The following EHHADH variants were observed in gnomAD, a reference collection of about 807,000 sequenced individuals.
The protein encoded by EHHADH is enoyl-CoA hydratase and 3-hydroxyacyl CoA dehydrogenase, also known as peroxisomal bifunctional enzyme.
A neutral mutation model predicts 64.4 loss-of-function variants in EHHADH; 48 were observed. That is an observed-to-expected ratio of 0.75 (90% confidence interval 0.59 to 0.95). The LOEUF is 0.95. EHHADH is among the 40% of genes least tolerant of loss of function. EHHADH has a pLI of 0.00. For missense variants in EHHADH, 854 were observed against 876.6 expected, an observed-to-expected ratio of 0.97 and a Z score of 0.33; for synonymous variants, 308 against 326.7, an observed-to-expected ratio of 0.94 and a Z score of 0.62.
chr3:185,251,427 C>CT (rs1362581371), intron 1 of EHHADH, among the ~76,000 whole-genome samples: 6 of 152,254 alleles, frequency 3.9e-5, no homozygotes, highest in African/African-American at 1.4e-4. Flanking sequence ...CGTGAGCTTT[C>CT]TTACTCTGTG....
At position 185,192,459 on chromosome 3, in the gene EHHADH, CA is replaced by C. The variant is rs1197619018; in HGVS notation, c.1938del (p.Ile646MetfsTer31). 6.2e-7 allele frequency: 1 copy of C among 1,614,228 alleles called. No individual in the cohort carries two copies. Among genetic ancestry groups the C allele is most frequent in the South Asian group, 1.1e-5 (1 of 91,084 alleles). On this transcript the variant is annotated frameshift_variant, in exon 7 of 7. Transcript: ENST00000231887. LOFTEE classifies it high-confidence loss of function. ...CCATATCCATGTAAATAGACAACATCAATGTGCTCTGGGCTAGCAGCTATCC... is the reference window on the plus strand; with the variant it reads ...CCATATCCATGTAAATAGACAACATCATGTGCTCTGGGCTAGCAGCTATCC... ...GEGIAASPEH[I>X]DVVYLHGYGW...
chr3:185,235,513 T>C (rs752087448), intron 2 of EHHADH, 51 bp from the exon 3 acceptor site: 1 of 1,493,728 alleles, frequency 6.7e-7, no homozygotes, highest in East Asian at 2.3e-5. Flanking sequence ...ACATGGGCAT[T>C]GTTATATAAC....
chr3:185,233,662 T>G (rs897383753), intron 3 of EHHADH, among the ~76,000 whole-genome samples: 2 of 152,198 alleles, frequency 1.3e-5, no homozygotes, highest in Non-Finnish European at 2.9e-5. Flanking sequence ...TGTTGTTTGT[T>G]TTGAGATGGA....
In EHHADH at chr3:185,235,010, C is replaced by T. The variant is rs552048303; in HGVS notation, c.351+280G>A. Among the ~76,000 whole-genome samples, 63 of 152,038 alleles carry T rather than the reference C, an allele frequency of 4.1e-4. 1 individual carries two copies. Among genetic ancestry groups the T allele is most frequent in the Admixed American group, 2.6e-3 (40 of 15,270 alleles). On this transcript the variant is annotated intron_variant, in intron 3 of 6. Coordinates refer to ENST00000231887, the MANE Select transcript of EHHADH (RefSeq NM_001966.4). Reference sequence around the variant, plus strand: ...CAGCCTGGCCAACATGGTGAAACCCCGTCTCTACTAAAAATACAAAAATTT... The same window carrying T: ...CAGCCTGGCCAACATGGTGAAACCCTGTCTCTACTAAAAATACAAAAATTT...
intron 2 of EHHADH, chr3:185,245,945 G>T (rs759097227): frequency 1.4e-6 from 2 of 1,480,712 alleles, no homozygotes; most frequent in South Asian, 2.3e-5. Context: ...TTCTGAGCCT[G>T]CCCAAGCAGG....
chr3:185,211,642 A>T (rs1288999901), intron 5 of EHHADH, among the ~76,000 whole-genome samples: 1 of 152,232 alleles, frequency 6.6e-6, no homozygotes, highest in Non-Finnish European at 1.5e-5. Flanking sequence ...GAATAACTGC[A>T]CATTAACAGG....
chr3:185,228,257 A>AAAATATATAT (rs1367786172), intron 4 of EHHADH, among the ~76,000 whole-genome samples: 13 of 22,000 alleles, frequency 5.9e-4, no homozygotes, highest in East Asian at 1.6e-3. Flanking sequence ...AAAAAAAAAA[A>AAAATATATAT]ATATATATAT....
Position 185,254,019 on chromosome 3 carries a change from C to T in EHHADH, c.4G>A (p.Ala2Thr). Residue 2 changes from alanine (A) to threonine (T), a missense_variant, in exon 1 of 7, where the codon GCC becomes ACC. By Grantham distance (58) the Ala-to-Thr change is moderately conservative. Transcript: ENST00000231887. ...GCGTTGTGCAGCCGCGTATACTCGG[C>T]CATGTTTCCTCTATCACCGAGGGCA... MAEYTRLHNALA... is the reference protein window; with the variant it reads MTEYTRLHNALA... 1 of 1,613,780 alleles carries T rather than the reference C, an allele frequency of 6.2e-7. No homozygotes were observed. The highest frequency in any genetic ancestry group is 1.1e-5 in the South Asian group (1 of 91,066).
rs767151443 is a variant in EHHADH at position 185,248,443 on chromosome 3, A to G, written c.149T>C (p.Ile50Thr). The G allele has an allele frequency of 6.2e-7, 1 of 1,614,142 alleles. No individual in the cohort carries two copies. The highest frequency in any genetic ancestry group is 8.5e-7 in the Non-Finnish European group (1 of 1,179,980). Residue 50 changes from isoleucine to threonine, a missense_variant, in exon 2 of 7, where the codon ATT (isoleucine) becomes ACT (threonine). By Grantham distance (89) the Ile-to-Thr change is moderately conservative (BLOSUM62 -1). Coordinates refer to ENST00000231887, the MANE Select transcript of EHHADH (RefSeq NM_001966.4). ...AGAAAATTTGCCCTCTGCTCCACAA[A>G]TCACAATGGCTTTTATTGTATGGTC... ...VIDHTIKAIVICGAEGKFSAG... is the reference protein window; with the variant it reads ...VIDHTIKAIVTCGAEGKFSAG...
chr3:185,248,542 G>A (rs568187080), intron 1 of EHHADH, 25 bp from the exon 2 acceptor site: 1 of 1,519,608 alleles, frequency 6.6e-7, no homozygotes, highest in South Asian at 1.2e-5. Context: ...AATACATGAA[G>A]TAAATCAGTC....
intron 4 of EHHADH, among the ~76,000 whole-genome samples, chr3:185,228,257 A>AAAAAAT (rs1367786172): frequency 1.4e-4 from 3 of 21,984 alleles, no homozygotes; most frequent in Non-Finnish European, 2.1e-4. Flanking sequence ...AAAAAAAAAA[A>AAAAAAT]ATATATATAT....
intron 5 of EHHADH, among the ~76,000 whole-genome samples, chr3:185,212,736 C>G (rs545453267): frequency 6.6e-6 from 1 of 152,218 alleles, no homozygotes; most frequent in Admixed American, 6.5e-5. Context: ...GTGTATAGTT[C>G]AGTGTTTTTC....
In EHHADH at chr3:185,192,474, T is replaced by C; in HGVS notation, c.1924A>G (p.Ser642Gly). Reference sequence around the variant, plus strand: ...TAGACAACATCAATGTGCTCTGGGCTAGCAGCTATCCCTTCTCCCAAGATA... The same window carrying C: ...TAGACAACATCAATGTGCTCTGGGCCAGCAGCTATCCCTTCTCCCAAGATA... ...FRILGEGIAA[S>G]PEHIDVVYLH... The change falls in exon 7 of 7, where the codon AGC (serine) becomes GGC (glycine). Residue 642 changes from serine (S) to glycine (G), a missense_variant. Ser to Gly is a moderately conservative substitution (Grantham distance 56). Transcript: ENST00000231887. 1 of 1,614,248 alleles carries C rather than the reference T, an allele frequency of 6.2e-7. No homozygotes were observed.
chr3:185,218,202 T>C lies in EHHADH; in HGVS notation c.502A>G (p.Ile168Val), dbSNP rs748785259. 1.9e-6 allele frequency: 3 copies of C among 1,606,978 alleles called. No homozygotes were observed. Among genetic ancestry groups the C allele is most frequent in the Non-Finnish European group, 2.5e-6 (3 of 1,177,684 alleles). The change falls in exon 5 of 7, where the codon ATT becomes GTT. Residue 168 changes from isoleucine to valine, a missense_variant. Ile to Val is a conservative substitution (Grantham distance 29, BLOSUM62 3). Transcript: ENST00000231887. Reference protein sequence around the residue: ...ILADEALKLGILDKVVNSDPV... With the variant: ...ILADEALKLGVLDKVVNSDPV... Reference sequence around the variant, plus strand: ...TCTGAGTTTACAACTTTATCTAGAATGCCCAGCTTGAGTGCTTCATCTGCT... The same window carrying C: ...TCTGAGTTTACAACTTTATCTAGAACGCCCAGCTTGAGTGCTTCATCTGCT...
chr3:185,236,553 T>G (rs1486567171), intron 2 of EHHADH, among the ~76,000 whole-genome samples: 2 of 152,232 alleles, frequency 1.3e-5, no homozygotes, highest in Non-Finnish European at 2.9e-5. Context: ...TACAGCATTA[T>G]CTATTCTTTG....
chr3:185,229,362 A>G (rs1403106250), intron 4 of EHHADH, 70 bp downstream of exon 4: 1 of 1,041,738 alleles, frequency 9.6e-7, no homozygotes, highest in Non-Finnish European at 1.3e-6. Context: ...TGGTCAAGCC[A>G]GAATTTTTCT....
At position 185,192,314 on chromosome 3, in the gene EHHADH, C is replaced by A. The variant is rs779197565; in HGVS notation, c.2084G>T (p.Ser695Ile). 1.2e-6 allele frequency: 2 copies of A among 1,614,122 alleles called. No homozygotes were observed. Among genetic ancestry groups the A allele is most frequent in the South Asian group, 2.2e-5 (2 of 91,072 alleles). Residue 695 changes from serine (S) to isoleucine (I), a missense_variant, in exon 7 of 7, where the codon AGT becomes ATT. By Grantham distance (142) the Ser-to-Ile change is moderately radical. Coordinates refer to ENST00000231887, the MANE Select transcript of EHHADH (RefSeq NM_001966.4). ...AGAAGCCAGTTTTTTTAGATAGTCACTTGGCTCCAGTTGGGGAATATCAGG... is the reference window on the plus strand; with the variant it reads ...AGAAGCCAGTTTTTTTAGATAGTCAATTGGCTCCAGTTGGGGAATATCAGG... ...QNPDIPQLEP[S>I]DYLKKLASQG...
chr3:185,194,443 T>C lies in EHHADH; in HGVS notation c.911-956A>G, dbSNP rs866103171. ...GCCTGACCAACATGGAGAAAACCCG[T>C]CTCTACTAAAAATACAAAATCAGCT... On this transcript the variant is annotated intron_variant, in intron 6 of 6. Coordinates refer to ENST00000231887, the MANE Select transcript of EHHADH (RefSeq NM_001966.4). Among the ~76,000 whole-genome samples, 5 of 151,966 alleles carry C rather than the reference T, an allele frequency of 3.3e-5. No homozygotes were observed. In the South Asian group the frequency reaches 1.0e-3, roughly 32 times the overall value.
rs145907786 is a variant in EHHADH, at chr3:185,192,746, C to G, written c.1652G>C (p.Arg551Pro). 1 of 1,613,830 alleles carries G rather than the reference C, an allele frequency of 6.2e-7. No homozygotes were observed. The highest frequency in any genetic ancestry group is 2.2e-5 in the East Asian group (1 of 44,876). ...GPTLLPGTPA[R>P]KRGNRRYCPI... ...GCAGTACCTCCTATTACCCCTTTTTCGGGCAGGAGTTCCTGGAAGCAATGT... is the reference window on the plus strand; with the variant it reads ...GCAGTACCTCCTATTACCCCTTTTTGGGGCAGGAGTTCCTGGAAGCAATGT... The change falls in exon 7 of 7, where the codon CGA (arginine) becomes CCA (proline). Residue 551 changes from arginine to proline, a missense_variant. Arg to Pro is a moderately radical substitution (Grantham distance 103). Transcript: ENST00000231887.
Sources: gnomAD v4.1 joint callset for allele counts (sites outside exome capture counted in the v4.1 genomes callset) on GRCh38, gnomAD v4.1.1 for gene constraint, MANE v1.5 for transcripts, NCBI Gene and HGNC (gene_info 2026-07-23, HGNC 2026-07-21) for gene names.